PRMT8: variants seen among roughly 807,000 people sequenced by gnomAD.
PRMT8 encodes the protein protein arginine methyltransferase 8.
A neutral mutation model predicts 47.1 loss-of-function variants in PRMT8; 7 were observed. That is an observed-to-expected ratio of 0.15 (90% confidence interval 0.08 to 0.28). The LOEUF is 0.28. Among genes scored for constraint, PRMT8 ranks in the 10% least tolerant of loss-of-function variants. The probability of loss-of-function intolerance (pLI) is 1.00; values close to 1 mark genes in which losing one functional copy is unlikely to be tolerated. For missense variants in PRMT8, 237 were observed against 505.4 expected (o/e 0.47, Z 5.09); for synonymous variants, 188 against 186.5 (o/e 1.01, Z -0.07).
intron 4 of PRMT8, among the ~76,000 whole-genome samples, chr12:3,568,205 G>C (rs980172347): frequency 6.6e-6 from 1 of 152,150 alleles, no homozygotes; most frequent in Non-Finnish European, 1.5e-5. Flanking sequence ...CACTCACTGA[G>C]TGGAGTGGAT....
intron 1 of PRMT8, among the ~76,000 whole-genome samples, chr12:3,429,008 C>G (rs866451519): frequency 6.6e-6 from 1 of 152,176 alleles, no homozygotes; most frequent in Non-Finnish European, 1.5e-5. Context: ...CTCTTCCTCT[C>G]TCTCTGACTC....
intron 1 of PRMT8, among the ~76,000 whole-genome samples, chr12:3,389,748 G>A (rs548765666): frequency 1.3e-5 from 2 of 152,316 alleles, no homozygotes; most frequent in East Asian, 3.9e-4. Context: ...TTGCTGGGGA[G>A]CTACCCAAAC....
chr12:3,444,710 C>A (rs919555552), intron 1 of PRMT8, among the ~76,000 whole-genome samples: 3 of 152,238 alleles, frequency 2.0e-5, no homozygotes, highest in African/African-American at 7.2e-5. Context: ...CACTGGGCAT[C>A]GTGGAGCAAG....
At position 3,569,043 on chromosome 12, in the gene PRMT8, A is replaced by G. The variant is rs1456669850; in HGVS notation, c.624+195A>G. ...TGCCCCGGGTCCAGCATGTGTAACC[A>G]TCAGAGTGGACTTCCGTGGGTCTCA... is the stretch of plus-strand genomic sequence containing the variant. On this transcript the variant is annotated intron_variant, in intron 5 of 9. Transcript: ENST00000382622. This position sits in a 1 kb window ranked among gnomAD's most constrained non-coding sequence, Gnocchi z 8.2. 6.6e-6 allele frequency among the ~76,000 whole-genome samples: 1 copy of G among 152,112 alleles called. No homozygotes were observed. Among genetic ancestry groups the G allele is most frequent in the Non-Finnish European group, 1.5e-5 (1 of 67,952 alleles).
chr12:3,404,556 G>C (rs79829532), intron 1 of PRMT8, among the ~76,000 whole-genome samples: 5 of 151,962 alleles, frequency 3.3e-5, no homozygotes, highest in African/African-American at 1.2e-4. Flanking sequence ...TCCTTTTCCC[G>C]TACAAAAGTA....
At chr12:3,483,052 A>T (rs562818830) in intron 1 of PRMT8, among the ~76,000 whole-genome samples, 22 of 152,312 alleles carry the variant, frequency 1.4e-4, no homozygotes, top group African/African-American at 5.3e-4. Context: ...TTGCTGTGTG[A>T]CCTGGACAAG....
intron 7 of PRMT8, among the ~76,000 whole-genome samples, chr12:3,577,535 C>T (rs546164006): frequency 7.7e-4 from 117 of 152,306 alleles, no homozygotes; most frequent in South Asian, 2.1e-3. Context: ...CCAGCTGCCC[C>T]TTCCTGAGCG....
At chr12:3,407,403 T>A (rs1399636739) in intron 1 of PRMT8, among the ~76,000 whole-genome samples, 1 of 152,116 alleles carries the variant, frequency 6.6e-6, no homozygotes, top group African/African-American at 2.4e-5. Context: ...ATATATCTCA[T>A]CCTATTCTAT....
intron 7 of PRMT8, among the ~76,000 whole-genome samples, chr12:3,579,555 G>C (rs149890156): frequency 6.6e-6 from 1 of 152,176 alleles, no homozygotes; most frequent in African/African-American, 2.4e-5. Context: ...GTCCCACGCT[G>C]GTCCCTTTCT....
intron 1 of PRMT8, among the ~76,000 whole-genome samples, chr12:3,475,933 A>AT (rs1865208191): frequency 6.6e-6 from 1 of 152,208 alleles, no homozygotes; most frequent in Non-Finnish European, 1.5e-5. Context: ...CTGTTTATAG[A>AT]CACCTTTTCC....
intron 1 of PRMT8, among the ~76,000 whole-genome samples, chr12:3,468,693 T>C (rs974130059): frequency 5.9e-5 from 9 of 152,264 alleles, no homozygotes; most frequent in Non-Finnish European, 1.0e-4. Flanking sequence ...GAGTCTCAGA[T>C]TAATACTTAT....
chr12:3,489,833 ACG>A (rs1417633032), upstream of PRMT8, among the ~76,000 whole-genome samples: 152 of 118,984 alleles, frequency 1.3e-3, no homozygotes, highest in East Asian at 5.7e-3. Context: ...ACACACACAC[ACG>A]CGCGCACACA....
chr12:3,525,489 C>T (rs1865939148), intron 1 of PRMT8, among the ~76,000 whole-genome samples: 1 of 152,132 alleles, frequency 6.6e-6, no homozygotes, highest in African/African-American at 2.4e-5. Flanking sequence ...TATGGCCTTC[C>T]TTTGCTTCTA....
intron 1 of PRMT8, among the ~76,000 whole-genome samples, chr12:3,384,287 A>G (rs2137042210): frequency 6.6e-6 from 1 of 152,228 alleles, no homozygotes; most frequent in Non-Finnish European, 1.5e-5. Context: ...CTCTTTAAAA[A>G]AATCAGAATG....
At chr12:3,416,282 C>T (rs1864483044) in intron 1 of PRMT8, among the ~76,000 whole-genome samples, 1 of 152,152 alleles carries the variant, frequency 6.6e-6, no homozygotes, top group Non-Finnish European at 1.5e-5. Flanking sequence ...TTTCCACTCC[C>T]TCTCTCCTAC....
At chr12:3,445,857 C>T (rs1455393385) in intron 1 of PRMT8, among the ~76,000 whole-genome samples, 2 of 152,092 alleles carry the variant, frequency 1.3e-5, no homozygotes, top group African/African-American at 2.4e-5. Context: ...AACACCAAGG[C>T]GATATTTACT....
intron 1 of PRMT8, among the ~76,000 whole-genome samples, chr12:3,435,114 A>G (rs931577103): frequency 3.3e-5 from 5 of 151,758 alleles, no homozygotes; most frequent in Non-Finnish European, 1.5e-5. Context: ...GACTACAGGC[A>G]CCCACCACCA....
intron 1 of PRMT8, among the ~76,000 whole-genome samples, chr12:3,455,291 T>A (rs911575610): frequency 2.0e-5 from 3 of 152,174 alleles, no homozygotes; most frequent in African/African-American, 7.2e-5. Context: ...AAGCACCAGA[T>A]TAATTTTCGC....
At chr12:3,475,530 G>A (rs775847977) in intron 1 of PRMT8, among the ~76,000 whole-genome samples, 8 of 152,168 alleles carry the variant, frequency 5.3e-5, no homozygotes, top group African/African-American at 1.2e-4. Context: ...TTTCTGCCTC[G>A]GGATCCGGGT....
Sources: allele counts gnomAD v4.1 joint callset (sites outside exome capture counted in the v4.1 genomes callset), GRCh38; gene constraint gnomAD v4.1.1; non-coding constraint Gnocchi (gnomAD v3.1); transcripts MANE v1.5; gene names NCBI Gene and HGNC (gene_info 2026-07-23, HGNC 2026-07-21).